Variants in ZP3 observed in about 807,000 individuals in gnomAD.
The protein encoded by ZP3 is zona pellucida sperm-binding protein 3.
Under a neutral mutation model 35.6 loss-of-function variants are expected in ZP3, and 21 were observed. That is an observed-to-expected ratio of 0.59 (90% CI 0.42 to 0.85). The LOEUF is 0.85. ZP3 is among the 40% of genes least tolerant of loss of function. ZP3 has a pLI of 0.00. For synonymous variants in ZP3, 207 were observed against 214.5 expected, an observed-to-expected ratio of 0.96 and a Z score of 0.31; for missense variants, 437 against 536.5, an observed-to-expected ratio of 0.81 and a Z score of 1.83.
In ZP3 at chr7:76,437,315, T is replaced by C. The variant is rs1335197573; in HGVS notation, c.832-2935T>C. 5.9e-5 allele frequency among the ~76,000 whole-genome samples: 9 copies of C among 152,184 alleles called. No homozygotes were observed. The East Asian group carries it at 9.7e-4, about 16-fold the overall frequency. ...TCAGCCTCCCTAATAGTTGGAATTA[T>C]AGGCACTCAATCACCACGCCTGGCT... On this transcript the variant is annotated intron_variant, in intron 5 of 7. Coordinates refer to ENST00000394857, the MANE Select transcript of ZP3 (RefSeq NM_001110354.2).
At chr7:76,402,300 C>T (rs979488480) in intron 1 of ZP3, among the ~76,000 whole-genome samples, 2 of 151,830 alleles carry the variant, frequency 1.3e-5, no homozygotes, top group African/African-American at 4.8e-5. Flanking sequence ...CCACCTCAGC[C>T]TCCCGAGTAA....
chr7:76,397,687 C>CA, exon 1 of ZP3: 8 of 1,613,432 alleles, frequency 5.0e-6, no homozygotes, highest in African/African-American at 1.3e-5. Flanking sequence ...CCATGGCCGC[C>CA]CCGCAGCCCA....
intron 2 of ZP3, among the ~76,000 whole-genome samples, chr7:76,431,556 C>T (rs1805824896): frequency 6.6e-6 from 1 of 152,122 alleles, no homozygotes; most frequent in Non-Finnish European, 1.5e-5. Flanking sequence ...TGGTGTGGGT[C>T]CAGGCTCTCG....
intron 1 of ZP3, among the ~76,000 whole-genome samples, chr7:76,414,679 TTCC>T: frequency 8.4e-6 from 1 of 119,316 alleles, no homozygotes; most frequent in African/African-American, 3.3e-5. Flanking sequence ...CCCCTTCCCC[TTCC>T]CCTCCTCCTC....
upstream of ZP3, among the ~76,000 whole-genome samples, chr7:76,421,473 C>T (rs34905536): frequency 0.1 from 15,451 of 151,922 alleles, 901 homozygotes; most frequent in Middle Eastern, 0.18. Context: ...AGGCTGGTCT[C>T]GAACTCCTGG....
chr7:76,426,081 T>TC (rs1217755145), intron 1 of ZP3, among the ~76,000 whole-genome samples: 5 of 95,210 alleles, frequency 5.3e-5, no homozygotes, highest in African/African-American at 1.9e-4. Flanking sequence ...AGACTCTGGC[T>TC]CAAAAAAAAA....
At chr7:76,402,879 C>T (rs1032160734) in intron 1 of ZP3, among the ~76,000 whole-genome samples, 3 of 152,148 alleles carry the variant, frequency 2.0e-5, no homozygotes, top group Non-Finnish European at 4.4e-5. Context: ...GTTGGTCAGG[C>T]TGGTCTCAAA....
chr7:76,425,699 T>C (rs1398504628), intron 1 of ZP3, among the ~76,000 whole-genome samples: 1 of 152,158 alleles, frequency 6.6e-6, no homozygotes, highest in Non-Finnish European at 1.5e-5. Context: ...GTGCAGTGGC[T>C]CATGCCTGTA....
At chr7:76,398,166 C>G (rs1804701316) in intron 1 of ZP3, among the ~76,000 whole-genome samples, 2 of 152,160 alleles carry the variant, frequency 1.3e-5, no homozygotes, top group Non-Finnish European at 2.9e-5. Context: ...GGACCCTCTT[C>G]CACCTCTGGA....
rs1806207151 is a variant in ZP3, at chr7:76,441,759, C to T, written c.1061-83C>T. 6 of 1,362,706 alleles carry T rather than the reference C, an allele frequency of 4.4e-6. No homozygotes were observed. In the Admixed American group the frequency reaches 5.1e-5, roughly 11 times the overall value. The allele number at this position is 1,362,706 out of a possible 1,614,324, so 84.4% of individuals were successfully genotyped here. ...CAAAAAAGACAACATATTAGTTTAGCCCACTGAGGCAGAATAAAACCTCCA... is the reference window on the plus strand; with the variant it reads ...CAAAAAAGACAACATATTAGTTTAGTCCACTGAGGCAGAATAAAACCTCCA... On this transcript the variant is annotated intron_variant, in intron 7 of 7. Coordinates refer to ENST00000394857, the MANE Select transcript of ZP3 (RefSeq NM_001110354.2).
chr7:76,435,430 C>T (rs1318521108), intron 5 of ZP3, among the ~76,000 whole-genome samples: 1 of 152,256 alleles, frequency 6.6e-6, no homozygotes, highest in Admixed American at 6.5e-5. Flanking sequence ...GCTGGAATTA[C>T]AGGCGTGAGC....
chr7:76,436,501 AC>A (rs1170200195), intron 5 of ZP3, among the ~76,000 whole-genome samples: 3 of 152,398 alleles, frequency 2.0e-5, no homozygotes, highest in Admixed American at 6.5e-5. Flanking sequence ...GCATTAAGGG[AC>A]AAAGTAGAAA....
At position 76,432,975 on chromosome 7, in the gene ZP3, C is replaced by A; in HGVS notation, c.480C>A (p.Phe160Leu). 3.7e-6 allele frequency: 6 copies of A among 1,614,152 alleles called. No homozygotes were observed. The South Asian group carries it at 6.6e-5, about 18-fold the overall frequency. ...SQAILPTWLP[F>L]RTTVFSEEKL... is the part of the protein sequence containing the mutation. The stretch of plus-strand genomic sequence containing the variant: ...CCATCCTGCCCACCTGGTTGCCCTT[C>A]AGGACCACGGTGTTCTCAGAGGAGA... Residue 160 changes from phenylalanine to leucine, a missense_variant, in exon 3 of 8, where the codon TTC becomes TTA. This residue lies in a region of ZP3 where 352 missense variants were observed against 308.4 expected (regional missense o/e 1.14). Transcript: ENST00000394857.
intron 5 of ZP3, among the ~76,000 whole-genome samples, chr7:76,436,358 T>C (rs1806013475): frequency 6.6e-6 from 1 of 152,162 alleles, no homozygotes; most frequent in East Asian, 1.9e-4. Flanking sequence ...GCTAGCATTT[T>C]ACTGTTATCC....
At chr7:76,404,898 C>T (rs1207754966) in intron 1 of ZP3, among the ~76,000 whole-genome samples, 3 of 151,466 alleles carry the variant, frequency 2.0e-5, no homozygotes, top group Non-Finnish European at 2.9e-5. Flanking sequence ...GGTGAAACCC[C>T]ATCTGTACCA....
At chr7:76,440,727 T>C in intron 7 of ZP3, 116 bp downstream of exon 7, 2 of 1,481,258 alleles carry the variant, frequency 1.4e-6, no homozygotes, top group African/African-American at 1.4e-5. Context: ...TGTTTGTACC[T>C]AGGCCTGCAG....
chr7:76,435,421 C>T (rs1223215551), intron 5 of ZP3, among the ~76,000 whole-genome samples: 1 of 152,246 alleles, frequency 6.6e-6, no homozygotes, highest in Non-Finnish European at 1.5e-5. Flanking sequence ...TCCCAAAGTG[C>T]TGGAATTACA....
At chr7:76,417,028 C>A (rs1282707765) in intron 1 of ZP3, among the ~76,000 whole-genome samples, 1 of 146,584 alleles carries the variant, frequency 6.8e-6, no homozygotes, top group Non-Finnish European at 1.5e-5. Flanking sequence ...CTCCAGAGAC[C>A]CTTTCCTTTC....
At chr7:76,424,719 G>A (rs762999303), upstream of ZP3, among the ~76,000 whole-genome samples, 2 of 152,168 alleles carry the variant, frequency 1.3e-5, no homozygotes, top group East Asian at 1.9e-4. Flanking sequence ...GTGGATACAC[G>A]TGGGGGATTT....
Sources: allele counts gnomAD v4.1 joint callset (sites outside exome capture counted in the v4.1 genomes callset), GRCh38; gene constraint gnomAD v4.1.1; regional missense constraint gnomAD v4.1.1; transcripts MANE v1.5; gene names NCBI Gene and HGNC (gene_info 2026-07-23, HGNC 2026-07-21).